Variants in PTPRB observed in about 807,000 individuals in gnomAD.
PTPRB encodes the protein receptor-type tyrosine-protein phosphatase beta.
In PTPRB, 97 loss-of-function variants were observed where a neutral mutation model predicts 238.1. The observed-to-expected ratio is 0.41, with a 90% CI of 0.35 to 0.48. The LOEUF is 0.48. PTPRB is among the 20% of genes least tolerant of loss of function. PTPRB has a pLI of 0.30. For missense variants in PTPRB, 2,292 were observed against 2,681.9 expected, an observed-to-expected ratio of 0.85 and a Z score of 3.21; for synonymous variants, 970 against 995.4, an observed-to-expected ratio of 0.97 and a Z score of 0.48.
intron 22 of PTPRB, chr12:70,541,873 T>C (rs1241661681): frequency 6.7e-6 from 1 of 149,110 alleles, no homozygotes; most frequent in Non-Finnish European, 1.5e-5. Context: ...GACATTTAAA[T>C]TGCTTCTACT....
chr12:70,524,879 A>G (rs970700229), intron 32 of PTPRB, among the ~76,000 whole-genome samples: 13 of 141,934 alleles, frequency 9.2e-5, no homozygotes, highest in African/African-American at 1.7e-4. Flanking sequence ...ATATGTGTGT[A>G]TATATGTATA....
At chr12:70,593,548 C>T (rs1882705596) in intron 6 of PTPRB, among the ~76,000 whole-genome samples, 1 of 146,570 alleles carries the variant, frequency 6.8e-6, no homozygotes, top group Non-Finnish European at 1.5e-5. Flanking sequence ...AAAGAATGGG[C>T]ACAGCACTCT....
At chr12:70,592,632 G>T in intron 6 of PTPRB, 87 bp from the exon 7 acceptor site, 1 of 1,377,514 alleles carries the variant, frequency 7.3e-7, no homozygotes, top group Non-Finnish European at 9.9e-7. Context: ...TTTTATTTCT[G>T]CAAGCCACAT....
intron 3 of PTPRB, among the ~76,000 whole-genome samples, chr12:70,610,091 C>T (rs1006323107): frequency 2.6e-5 from 4 of 152,148 alleles, no homozygotes; most frequent in Non-Finnish European, 5.9e-5. Context: ...TCGCCCCAGC[C>T]CCGTCCGCTG....
chr12:70,615,252 T>A (rs1267521054), intron 3 of PTPRB, among the ~76,000 whole-genome samples: 2 of 152,202 alleles, frequency 1.3e-5, no homozygotes, highest in South Asian at 4.1e-4. Context: ...AAATTATCAT[T>A]GCTTCCAATC....
chr12:70,547,126 C>T (rs1366413537), intron 21 of PTPRB, among the ~76,000 whole-genome samples: 38 of 151,992 alleles, frequency 2.5e-4, no homozygotes. Flanking sequence ...TCTGACCCTG[C>T]TCCCGCTTCT....
At chr12:70,588,327 A>G (rs7311199) in intron 8 of PTPRB, among the ~76,000 whole-genome samples, 17,463 of 152,242 alleles carry the variant, frequency 0.11, 1,117 homozygotes, top group Non-Finnish European at 0.13. Context: ...AAGGTGAACC[A>G]GAGACACAGT....
chr12:70,557,939 A>C (rs1019344811), intron 18 of PTPRB, among the ~76,000 whole-genome samples: 1 of 152,208 alleles, frequency 6.6e-6, no homozygotes, highest in Non-Finnish European at 1.5e-5. Context: ...GGCTGCTGGA[A>C]GAGACCACAG....
At chr12:70,572,254 A>G (rs2136382239) in intron 11 of PTPRB, among the ~76,000 whole-genome samples, 167 bp from the exon 12 acceptor site, 1 of 152,326 alleles carries the variant, frequency 6.6e-6, no homozygotes, top group African/African-American at 2.4e-5. Context: ...AAAGATTGTT[A>G]CACTATGTGG....
At position 70,550,448 on chromosome 12, in the gene PTPRB, G is replaced by T. The variant is rs541924013; in HGVS notation, c.5387+2329C>A. On this transcript the variant is annotated intron_variant, in intron 21 of 33. Transcript: ENST00000334414. The stretch of plus-strand genomic sequence containing the variant: ...TGTACTGGAATCTGCTCTTGCTCTG[G>T]TAAGTGAATGGGAACTATGGGGAAA... Among the ~76,000 whole-genome samples the T allele has an allele frequency of 3.3e-5, 5 of 152,294 alleles. No homozygotes were observed. In the South Asian group the frequency reaches 1.0e-3, roughly 32 times the overall value.
chr12:70,522,168 AAGGTT>A (rs1871727358), intron 33 of PTPRB, among the ~76,000 whole-genome samples: 1 of 152,168 alleles, frequency 6.6e-6, no homozygotes, highest in Non-Finnish European at 1.5e-5. Flanking sequence ...AACTAAGTAA[AAGGTT>A]AGGAGACACT....
intron 9 of PTPRB, 50 bp from the exon 10 acceptor site, chr12:70,581,352 A>G (rs779755420): frequency 6.6e-7 from 1 of 1,518,692 alleles, no homozygotes; most frequent in South Asian, 1.3e-5. Flanking sequence ...TCACCTTAAG[A>G]AAGTGTAAGA....
Position 70,576,570 on chromosome 12 carries a change from G to A in PTPRB, c.2654C>T (p.Ala885Val), listed in dbSNP as rs751457100. 19 of 1,549,908 alleles carry A rather than the reference G, an allele frequency of 1.2e-5. No homozygotes were observed. Among genetic ancestry groups the A allele is most frequent in the Non-Finnish European group, 1.7e-5 (19 of 1,146,812 alleles). The change falls in exon 11 of 34, where the codon GCG becomes GTG. Residue 885 changes from alanine (A) to valine (V), a missense_variant. By Grantham distance (64) the Ala-to-Val change is moderately conservative. Around this residue, in one of 4 missense-constraint regions of PTPRB, gnomAD observed 1,205 missense variants for 1,287.8 expected, o/e 0.94. Transcript: ENST00000334414. The part of the protein sequence containing the change: ...NDYLSVSWLL[A>V]PGDVDNYEVT... ...CTCATAGTTATCCACATCTCCGGGC[G>A]CCAGCAGCCAGGAAACGCTGAGGTA...
At position 70,516,839 on chromosome 12, in the gene PTPRB, A is replaced by G. The variant is rs957878350; in HGVS notation, c.*4650T>C. The G allele has an allele frequency of 6.6e-6, 1 of 152,318 alleles. No individual in the cohort carries two copies. Among genetic ancestry groups the G allele is most frequent in the African/African-American group, 2.4e-5 (1 of 41,572 alleles). 9.4% of individuals were successfully genotyped at this position (152,318 alleles called of 1,614,324 possible). Reference sequence around the variant, plus strand: ...CCTGTTAATCTCTTATTTCCATTACATAAGCCTCTATTTTCAGAGCATTCA... The same window carrying G: ...CCTGTTAATCTCTTATTTCCATTACGTAAGCCTCTATTTTCAGAGCATTCA... On this transcript the variant is annotated 3_prime_UTR_variant, in exon 34 of 34. Transcript: ENST00000334414.
chr12:70,544,370 C>T (rs1373512237), intron 22 of PTPRB, among the ~76,000 whole-genome samples, 187 bp downstream of exon 22: 1 of 151,948 alleles, frequency 6.6e-6, no homozygotes, highest in Non-Finnish European at 1.5e-5. Flanking sequence ...TTAGATTAAC[C>T]CCCTTTCAAT....
intron 32 of PTPRB, among the ~76,000 whole-genome samples, chr12:70,531,581 G>A (rs1466961278): frequency 1.3e-5 from 2 of 152,116 alleles, no homozygotes; most frequent in Non-Finnish European, 2.9e-5. Flanking sequence ...TTCTAGTCTG[G>A]AAGTAGAATA....
At chr12:70,525,024 C>T (rs1872221085) in intron 32 of PTPRB, among the ~76,000 whole-genome samples, 1 of 151,392 alleles carries the variant, frequency 6.6e-6, no homozygotes, top group South Asian at 2.1e-4. Flanking sequence ...TGAGAGCCTA[C>T]AACTGTGTCT....
At chr12:70,634,054 G>GT (rs970992424) in intron 2 of PTPRB, among the ~76,000 whole-genome samples, 4 of 152,068 alleles carry the variant, frequency 2.6e-5, no homozygotes, top group Admixed American at 6.6e-5. Flanking sequence ...TTTTGAGTAG[G>GT]TTTTTTTCTC....
At chr12:70,621,819 C>G (rs1884949007) in intron 3 of PTPRB, among the ~76,000 whole-genome samples, 1 of 152,180 alleles carries the variant, frequency 6.6e-6, no homozygotes, top group African/African-American at 2.4e-5. Flanking sequence ...AGATGAACAC[C>G]TGAAGCAGAA....
Sources: gnomAD v4.1 joint callset for allele counts (sites outside exome capture counted in the v4.1 genomes callset) on GRCh38, gnomAD v4.1.1 for gene constraint, gnomAD v4.1.1 regional missense constraint, MANE v1.5 for transcripts, NCBI Gene and HGNC (gene_info 2026-07-23, HGNC 2026-07-21) for gene names.